AGMO: variants seen among roughly 807,000 people sequenced by gnomAD.
The protein encoded by AGMO is glyceryl-ether monooxygenase.
AGMO carries 75 observed loss-of-function variants against 60.2 expected under a neutral mutation model. The observed-to-expected ratio is 1.25, with a 90% CI of 1.03 to 1.51. The LOEUF (loss-of-function observed/expected upper bound fraction) is 1.51. AGMO is among the 40% of genes most tolerant of loss of function. The probability of loss-of-function intolerance (pLI) is 0.00; values close to 1 mark genes in which losing one functional copy is unlikely to be tolerated. For missense variants in AGMO, 763 were observed against 525.5 expected (o/e 1.45, Z -4.42); for synonymous variants, 261 against 177.1 (o/e 1.47, Z -3.76).
In AGMO at chr7:15,493,365, C is replaced by CTTTTT. The variant is rs71004387; in HGVS notation, c.409+51402_409+51406dup. On this transcript the variant is annotated intron_variant, in intron 3 of 12. Coordinates refer to ENST00000342526, the MANE Select transcript of AGMO (RefSeq NM_001004320.2). ...CACACACACACACACACACACACTT[C>CTTTTT]TTTTTTTTTTTTTTTTTTTTTTTTT... 9.0e-5 allele frequency among the ~76,000 whole-genome samples: 6 copies of CTTTTT among 66,654 alleles called. 2 individuals carry two copies. Among genetic ancestry groups the CTTTTT allele is most frequent in the African/African-American group, 1.3e-4 (2 of 15,078 alleles). 43.7% of individuals were successfully genotyped at this position (66,654 alleles called of 152,430 possible).
intron 3 of AGMO, among the ~76,000 whole-genome samples, chr7:15,528,316 T>C (rs1314865715): frequency 1.3e-5 from 2 of 152,128 alleles, no homozygotes; most frequent in Non-Finnish European, 2.9e-5. Flanking sequence ...TTATATGCTC[T>C]AGGAAACAAA....
chr7:15,185,453 T>A, the AGMO span, among the ~76,000 whole-genome samples: 1 of 152,116 alleles, frequency 6.6e-6, no homozygotes, highest in Non-Finnish European at 1.5e-5. Context: ...AGGTAATGAA[T>A]GAGGTCTAAA....
rs931330420 is a variant in AGMO, at chr7:15,549,034, T to G, written c.258-4111A>C. 8.0e-5 allele frequency among the ~76,000 whole-genome samples: 12 copies of G among 150,428 alleles called. No individual in the cohort carries two copies. In the South Asian group the frequency reaches 1.3e-3, roughly 16 times the overall value. On this transcript the variant is annotated intron_variant, in intron 2 of 12. Transcript: ENST00000342526. ...ATTCAACATTGTTAAAGAAAAGAAT[T>G]TTCAACCCAGAATTTCATATCCAGC...
chr7:15,472,951 G>C (rs1410523957), intron 3 of AGMO, among the ~76,000 whole-genome samples: 1 of 151,888 alleles, frequency 6.6e-6, no homozygotes, highest in Non-Finnish European at 1.5e-5. Flanking sequence ...CAGCAGCACA[G>C]TGAACTCTTC....
chr7:15,360,969 A>G (rs994733011), intron 12 of AGMO, among the ~76,000 whole-genome samples: 2 of 152,236 alleles, frequency 1.3e-5, no homozygotes, highest in Admixed American at 6.5e-5. Flanking sequence ...AGCAGGCAAA[A>G]TAATTCCCAT....
rs75898761 is a variant in AGMO, at chr7:15,364,627, C to T, written c.1263+887G>A. 1.4e-4 allele frequency among the ~76,000 whole-genome samples: 22 copies of T among 152,080 alleles called. No homozygotes were observed. In the East Asian group the frequency reaches 4.2e-3, roughly 29 times the overall value. ...GTGTGTGAGTATATCATTTCAGTAG[C>T]ACCAATTCCTAGAAGTGAAATGCCG... On this transcript the variant is annotated intron_variant, in intron 12 of 12. Transcript: ENST00000342526.
intron 12 of AGMO, among the ~76,000 whole-genome samples, chr7:15,272,939 G>A (rs979189265): frequency 2.6e-5 from 4 of 152,108 alleles, no homozygotes; most frequent in African/African-American, 7.2e-5. Context: ...GTCTTCTTTC[G>A]AGAAGTGTCT....
the AGMO span, among the ~76,000 whole-genome samples, chr7:15,133,913 C>T: frequency 2.0e-5 from 3 of 152,112 alleles, no homozygotes; most frequent in Admixed American, 6.6e-5. Flanking sequence ...AAACTGGCTT[C>T]TTTTCCCAAA....
intron 12 of AGMO, among the ~76,000 whole-genome samples, chr7:15,348,394 T>C (rs141224156): frequency 1.3e-5 from 2 of 152,008 alleles, no homozygotes; most frequent in African/African-American, 4.8e-5. Flanking sequence ...TAGGCATCAA[T>C]AGGAAAAAAG....
At chr7:15,159,917 A>AAT in the AGMO span, among the ~76,000 whole-genome samples, 1 of 152,118 alleles carries the variant, frequency 6.6e-6, no homozygotes, top group Non-Finnish European at 1.5e-5. Context: ...CTCAGATCCG[A>AAT]TGTATTTCTC....
Position 15,314,584 on chromosome 7 carries a change from G to C in AGMO, c.1263+50930C>G, listed in dbSNP as rs574637008. Among the ~76,000 whole-genome samples the C allele has an allele frequency of 8.5e-5, 13 of 152,136 alleles. No individual in the cohort carries two copies. The South Asian group carries it at 2.5e-3, about 29-fold the overall frequency. ...GAAGTTTTTAGTTCACTGGAACACT[G>C]CATAATAATTATTTAACTTCAAAAA... On this transcript the variant is annotated intron_variant, in intron 12 of 12. Transcript: ENST00000342526.
intron 5 of AGMO, among the ~76,000 whole-genome samples, chr7:15,416,001 G>GT (rs1780756710): frequency 6.7e-6 from 1 of 148,526 alleles, no homozygotes; most frequent in African/African-American, 2.5e-5. Context: ...AATAGACCTT[G>GT]TTGTTTGTTT....
At chr7:15,266,254 A>C (rs2128511468) in intron 12 of AGMO, among the ~76,000 whole-genome samples, 1 of 152,160 alleles carries the variant, frequency 6.6e-6, no homozygotes, top group Non-Finnish European at 1.5e-5. Context: ...TGTTTAATCC[A>C]CTTTTAGTTT....
At chr7:15,268,034 T>C (rs909541582) in intron 12 of AGMO, among the ~76,000 whole-genome samples, 11 of 152,086 alleles carry the variant, frequency 7.2e-5, no homozygotes, top group African/African-American at 2.6e-4. Flanking sequence ...CAAACATAGG[T>C]TGCATGATAA....
At chr7:15,253,818 G>A (rs551437910) in intron 12 of AGMO, among the ~76,000 whole-genome samples, 66 of 152,154 alleles carry the variant, frequency 4.3e-4, no homozygotes, top group African/African-American at 1.2e-3. Context: ...CTGTAACACC[G>A]TAGTCATTGA....
intron 3 of AGMO, among the ~76,000 whole-genome samples, chr7:15,464,183 T>C (rs985212420): frequency 1.4e-4 from 22 of 152,320 alleles, no homozygotes; most frequent in Non-Finnish European, 1.3e-4. Context: ...ATTAGAGTTC[T>C]TGTTTCTGCA....
At chr7:15,328,838 C>T (rs1781420675) in intron 12 of AGMO, among the ~76,000 whole-genome samples, 1 of 152,076 alleles carries the variant, frequency 6.6e-6, no homozygotes. Context: ...ATTTCCTTCT[C>T]CTTTTCCTTT....
At chr7:15,236,154 T>C (rs1782414052) in intron 12 of AGMO, among the ~76,000 whole-genome samples, 1 of 152,100 alleles carries the variant, frequency 6.6e-6, no homozygotes, top group Admixed American at 6.6e-5. Context: ...GTATAAAGAT[T>C]TAAAGACATT....
At chr7:15,469,286 C>A (rs1020098714) in intron 3 of AGMO, among the ~76,000 whole-genome samples, 2 of 151,866 alleles carry the variant, frequency 1.3e-5, no homozygotes, top group African/African-American at 4.8e-5. Flanking sequence ...AAATAATAAA[C>A]TGATGTCACA....
Sources: gnomAD v4.1 joint callset for allele counts (sites outside exome capture counted in the v4.1 genomes callset) on GRCh38, gnomAD v4.1.1 for gene constraint, MANE v1.5 for transcripts, NCBI Gene and HGNC (gene_info 2026-07-23, HGNC 2026-07-21) for gene names.